TBX5: variants seen among roughly 807,000 people sequenced by gnomAD.
TBX5 encodes the protein T-box transcription factor 5, also known as T-box transcription factor TBX5.
Under a neutral mutation model 51.1 loss-of-function variants are expected in TBX5, and 8 were observed. The ratio of observed to expected loss-of-function variants is 0.16; its 90% CI spans 0.09 to 0.28. TBX5 has a LOEUF of 0.28. Among genes scored for constraint, TBX5 ranks in the 10% least tolerant of loss-of-function variants. TBX5 has a pLI of 1.00. For synonymous variants in TBX5, 302 were observed against 266.4 expected (o/e 1.13, Z -1.30); for missense variants, 589 against 671.7 (o/e 0.88, Z 1.36).
Position 114,355,790 on chromosome 12 carries a change from C to T in TBX5, c.1299G>A (p.Gly433=). ...TGCCAGCCAGCCGAGGGACCAGGGG[C>T]CCCGAGGTGAAGTGAGCGGAGAAGT... ...YQHFSAHFTS[G]PLVPRLAGMA... is the part of the protein sequence containing the mutation. Residue 433 remains glycine, a synonymous_variant, in exon 9 of 9, where the codon GGG becomes GGA. Coordinates refer to ENST00000405440, the MANE Select transcript of TBX5 (RefSeq NM_181486.4). 8 of 1,614,136 alleles carry T rather than the reference C, an allele frequency of 5.0e-6. No homozygotes were observed. The highest frequency in any genetic ancestry group is 6.8e-6 in the Non-Finnish European group (8 of 1,180,038).
Position 114,365,168 on chromosome 12 carries a change from A to ATGTG in TBX5, c.982+993_982+996dup, listed in dbSNP as rs10536626. 5.6e-3 allele frequency among the ~76,000 whole-genome samples: 825 copies of ATGTG among 147,546 alleles called. 8 individuals are homozygous for ATGTG. The highest frequency in any genetic ancestry group is 0.019 in the African/African-American group (777 of 39,900). On this transcript the variant is annotated intron_variant, in intron 8 of 8. Coordinates refer to ENST00000405440, the MANE Select transcript of TBX5 (RefSeq NM_181486.4). ...GATGAGACGGGGAAAATCATTTGTG[A>ATGTG]TGTGTGTGTGTGTGTGTGTGTGTGT...
chr12:114,403,701 G>C, intron 2 of TBX5, 51 bp downstream of exon 2: 1 of 1,598,342 alleles, frequency 6.3e-7, no homozygotes, highest in Non-Finnish European at 8.5e-7. Context: ...AGGAAAGCCA[G>C]ACTCTGACTT....
At position 114,355,209 on chromosome 12, in the gene TBX5, A is replaced by T; in HGVS notation, c.*323T>A. 1 of 412,644 alleles carries T rather than the reference A, an allele frequency of 2.4e-6. No homozygotes were observed. Among genetic ancestry groups the T allele is most frequent in the South Asian group, 2.1e-5 (1 of 47,796 alleles). 25.6% of individuals were successfully genotyped at this position (412,644 alleles called of 1,614,324 possible). Reference sequence around the variant, plus strand: ...TGAGGCAAGACTTTCTAGAGCCCAAAAGAAGGAATGGGGGAAGAGATCTGG... The same window carrying T: ...TGAGGCAAGACTTTCTAGAGCCCAATAGAAGGAATGGGGGAAGAGATCTGG... On this transcript the variant is annotated 3_prime_UTR_variant, in exon 9 of 9. Coordinates refer to ENST00000405440, the MANE Select transcript of TBX5 (RefSeq NM_181486.4).
chr12:114,383,502 G>C (rs1870629709), intron 7 of TBX5, among the ~76,000 whole-genome samples: 1 of 152,150 alleles, frequency 6.6e-6, no homozygotes, highest in African/African-American at 2.4e-5. Flanking sequence ...ACCTTATAGT[G>C]ATGGCAACAG....
At chr12:114,391,986 G>T (rs1871168194) in intron 6 of TBX5, among the ~76,000 whole-genome samples, 1 of 152,134 alleles carries the variant, frequency 6.6e-6, no homozygotes, top group Non-Finnish European at 1.5e-5. Context: ...CAAGGAATCT[G>T]TCAGGCTGGC....
At chr12:114,407,032 C>T (rs1565944747), upstream of TBX5, 3 of 985,092 alleles carry the variant, frequency 3.0e-6, no homozygotes, top group Admixed American at 6.1e-5. Flanking sequence ...TTCTAGGGTT[C>T]TGATAAGAGA....
chr12:114,360,203 G>A (rs1008133017), intron 8 of TBX5, among the ~76,000 whole-genome samples: 1 of 152,198 alleles, frequency 6.6e-6, no homozygotes, highest in African/African-American at 2.4e-5. Context: ...AGTTGGGAAG[G>A]TGGCTATAAT....
intron 6 of TBX5, among the ~76,000 whole-genome samples, chr12:114,388,422 G>C (rs1870943257): frequency 6.6e-6 from 1 of 152,012 alleles, no homozygotes; most frequent in Non-Finnish European, 1.5e-5. Context: ...CTCCCAAACT[G>C]CTGGGATTAC....
chr12:114,377,174 T>C (rs2136387873), intron 7 of TBX5, among the ~76,000 whole-genome samples: 1 of 152,334 alleles, frequency 6.6e-6, no homozygotes, highest in Non-Finnish European at 1.5e-5. Context: ...TTGTCTAATG[T>C]TGTCTCGAAA....
At position 114,373,815 on chromosome 12, in the gene TBX5, C is replaced by T. The variant is rs11067087; in HGVS notation, c.756-7424G>A. Among the ~76,000 whole-genome samples, 5,080 of 152,296 alleles carry T rather than the reference C, an allele frequency of 0.033. 383 individuals are homozygous for T. The East Asian group carries it at 0.35, about 11-fold the overall frequency. ...ATTCATCAAATAGTCTAGTACTGAA[C>T]TGAACAGCCAATATTTTAGTCCAGT... On this transcript the variant is annotated intron_variant, in intron 7 of 8. Coordinates refer to ENST00000405440, the MANE Select transcript of TBX5 (RefSeq NM_181486.4).
intron 4 of TBX5, 93 bp from the exon 5 acceptor site, chr12:114,398,813 G>A: frequency 6.8e-7 from 1 of 1,470,844 alleles, no homozygotes; most frequent in Non-Finnish European, 9.3e-7. Context: ...ACCAGGTGAG[G>A]GTTGTTGAGT....
At chr12:114,386,320 A>T (rs1279789521) in intron 6 of TBX5, among the ~76,000 whole-genome samples, 1 of 152,178 alleles carries the variant, frequency 6.6e-6, no homozygotes, top group Admixed American at 6.5e-5. Flanking sequence ...TCAACGCATT[A>T]TATTAGTGTG....
Position 114,401,891 on chromosome 12 carries a change from A to G in TBX5, c.177T>C (p.His59=), listed in dbSNP as rs544138286. The G allele has an allele frequency of 8.1e-6, 13 of 1,614,100 alleles. No individual in the cohort carries two copies. In the East Asian group the frequency reaches 2.9e-4, roughly 36 times the overall value. The change falls in exon 3 of 9, where the codon CAT becomes CAC. Residue 59 remains histidine (H), a synonymous_variant. Coordinates refer to ENST00000405440, the MANE Select transcript of TBX5 (RefSeq NM_181486.4). The part of the protein sequence containing the change: ...QGMEGIKVFL[H]ERELWLKFHE... ...GGAATTTTAGCCACAGTTCTCTTTC[A>G]TGGAGAAACACTTTGATTCCCTCCA...
chr12:114,401,902 C>G lies in TBX5; in HGVS notation c.166G>C (p.Val56Leu), dbSNP rs1327141955. ...FTQQGMEGIK[V>L]FLHERELWLK... ...CACAGTTCTCTTTCATGGAGAAACA[C>G]TTTGATTCCCTCCATGCCCTGCAAG... Residue 56 changes from valine (V) to leucine (L), a missense_variant, in exon 3 of 9, where the codon GTG becomes CTG. By Grantham distance (32) the Val-to-Leu change is conservative. Coordinates refer to ENST00000405440, the MANE Select transcript of TBX5 (RefSeq NM_181486.4). 3 of 1,614,186 alleles carry G rather than the reference C, an allele frequency of 1.9e-6. 1 individual carries two copies. Among genetic ancestry groups the G allele is most frequent in the Admixed American group, 3.3e-5 (2 of 60,020 alleles).
At chr12:114,396,678 G>A (rs1010053552) in intron 5 of TBX5, among the ~76,000 whole-genome samples, 1 of 152,156 alleles carries the variant, frequency 6.6e-6, no homozygotes, top group Non-Finnish European at 1.5e-5. Flanking sequence ...ACTTCCCAGC[G>A]TCAAGGACCA....
intron 8 of TBX5, among the ~76,000 whole-genome samples, chr12:114,364,363 T>A (rs1869398042): frequency 6.6e-6 from 1 of 152,198 alleles, no homozygotes; most frequent in African/African-American, 2.4e-5. Flanking sequence ...AGCTACTACT[T>A]TCTGAGTCAA....
chr12:114,390,916 A>T (rs1871112463), intron 6 of TBX5, among the ~76,000 whole-genome samples: 1 of 152,342 alleles, frequency 6.6e-6, no homozygotes, highest in East Asian at 1.9e-4. Context: ...ATCTTTTTTA[A>T]GCTGTCAACC....
chr12:114,389,722 C>T (rs913092698), intron 6 of TBX5, among the ~76,000 whole-genome samples: 2 of 128,142 alleles, frequency 1.6e-5, no homozygotes, highest in African/African-American at 6.1e-5. Context: ...CCACTGCACT[C>T]CAGCCTGGGC....
At chr12:114,373,717 A>T (rs1293796441) in intron 7 of TBX5, among the ~76,000 whole-genome samples, 2 of 152,210 alleles carry the variant, frequency 1.3e-5, no homozygotes, top group Non-Finnish European at 2.9e-5. Flanking sequence ...TCGGCCTCCC[A>T]AAGTGCTAGG....
Sources: allele counts gnomAD v4.1 joint callset (sites outside exome capture counted in the v4.1 genomes callset), GRCh38; gene constraint gnomAD v4.1.1; transcripts MANE v1.5; gene names NCBI Gene and HGNC (gene_info 2026-07-23, HGNC 2026-07-21).